Variants in PDE4C observed in about 807,000 individuals in gnomAD.
PDE4C encodes the protein 3',5'-cyclic-AMP phosphodiesterase 4C.
A neutral mutation model predicts 63.9 loss-of-function variants in PDE4C; 50 were observed. That is an observed-to-expected ratio of 0.78 (90% CI 0.62 to 0.99). PDE4C has a LOEUF of 0.99. PDE4C is among the 50% of genes least tolerant of loss of function. The pLI is 0.00. For missense variants in PDE4C, 777 were observed against 899.1 expected (o/e 0.86, Z 1.74); for synonymous variants, 377 against 385.1 (o/e 0.98, Z 0.25).
intron 14 of PDE4C, 158 bp downstream of exon 14, chr19:18,211,601 G>C: frequency 1.3e-6 from 1 of 775,732 alleles, no homozygotes; most frequent in South Asian, 1.7e-5. Flanking sequence ...CTGAAGCCCA[G>C]AGAGAATGGA....
intron 12 of PDE4C, 29 bp from the exon 13 acceptor site, chr19:18,213,519 C>T (rs2302209): frequency 0.27 from 427,798 of 1,599,444 alleles, 59,359 homozygotes; most frequent in Middle Eastern, 0.34. Flanking sequence ...AGGTGACAGG[C>T]GCGAGGACCC....
intron 1 of PDE4C, among the ~76,000 whole-genome samples, chr19:18,232,030 C>A (rs1256394316): frequency 1.3e-5 from 2 of 151,964 alleles, no homozygotes; most frequent in Non-Finnish European, 2.9e-5. Flanking sequence ...CTCCTCCCCC[C>A]AACACTGGAG....
intron 2 of PDE4C, among the ~76,000 whole-genome samples, chr19:18,221,771 C>T (rs757054452): frequency 3.3e-5 from 5 of 152,076 alleles, no homozygotes; most frequent in Non-Finnish European, 5.9e-5. Context: ...ACTACAGGCG[C>T]GCGCCACCAC....
chr19:18,210,752 A>G, exon 15 of PDE4C: 3 of 1,123,216 alleles, frequency 2.7e-6, no homozygotes, highest in Non-Finnish European at 3.6e-6. Flanking sequence ...AGTGGACCCC[A>G]GCCAGGTGCC....
exon 15 of PDE4C, chr19:18,210,736 G>T: frequency 1.1e-6 from 1 of 904,068 alleles, no homozygotes; most frequent in Non-Finnish European, 1.6e-6. Flanking sequence ...GCAAGTCTAG[G>T]GTCAGAGTGG....
intron 12 of PDE4C, among the ~76,000 whole-genome samples, chr19:18,215,523 AT>A (rs541345602): frequency 6.3e-4 from 93 of 148,272 alleles, no homozygotes; most frequent in African/African-American, 1.7e-3. Flanking sequence ...GATGTGTATA[AT>A]TTTTTTTTTT....
intron 11 of PDE4C, chr19:18,217,174 T>G: frequency 3.7e-6 from 1 of 271,758 alleles, no homozygotes; most frequent in Non-Finnish European, 6.9e-6. Flanking sequence ...TTTTTTTCTT[T>G]TTCTTTTTTA....
At chr19:18,212,258 A>G (rs1967984434) in intron 13 of PDE4C, among the ~76,000 whole-genome samples, 1 of 151,492 alleles carries the variant, frequency 6.6e-6, no homozygotes. Context: ...ATCTTGGCTC[A>G]CTGCAACCTC....
upstream of PDE4C, chr19:18,250,588 T>G (rs1038247515): frequency 2.5e-6 from 1 of 397,142 alleles, no homozygotes; most frequent in Non-Finnish European, 4.4e-6. Flanking sequence ...CTCTTCCCTC[T>G]CCAGTTGAGG....
intron 11 of PDE4C, 96 bp downstream of exon 11, chr19:18,218,053 G>A: frequency 1.1e-6 from 1 of 897,678 alleles, no homozygotes; most frequent in Non-Finnish European, 1.8e-6. Context: ...GGGAGACTGG[G>A]CTCAGGGCAG....
chr19:18,231,534 G>A (rs1454544400), intron 1 of PDE4C, among the ~76,000 whole-genome samples: 1 of 152,202 alleles, frequency 6.6e-6, no homozygotes, highest in African/African-American at 2.4e-5. Context: ...TGCCTCCCAG[G>A]CTGCTGGAGG....
upstream of PDE4C, among the ~76,000 whole-genome samples, chr19:18,228,602 T>G (rs147088943): frequency 7.5e-4 from 114 of 152,336 alleles, no homozygotes; most frequent in African/African-American, 2.6e-3. Context: ...ACATTAATAT[T>G]TTATCAATAG....
intron 1 of PDE4C, among the ~76,000 whole-genome samples, chr19:18,246,462 C>T (rs948285485): frequency 2.0e-5 from 3 of 151,908 alleles, no homozygotes; most frequent in East Asian, 1.9e-4. Flanking sequence ...AGATTACAGG[C>T]GTGAGCCACC....
chr19:18,225,995 G>A (rs953562708), intron 1 of PDE4C, among the ~76,000 whole-genome samples: 11 of 152,254 alleles, frequency 7.2e-5, no homozygotes, highest in East Asian at 1.9e-4. Flanking sequence ...CTCACAGCTG[G>A]AAGGAGACAG....
intron 1 of PDE4C, among the ~76,000 whole-genome samples, chr19:18,241,954 T>C (rs1337096992): frequency 2.6e-5 from 4 of 152,266 alleles, no homozygotes; most frequent in Admixed American, 2.6e-4. Context: ...AAAAAAATAA[T>C]TCACCTCGTG....
In PDE4C at chr19:18,232,374, C is replaced by CGTGT. The variant is rs4006742; in HGVS notation, c.242+572_242+575dup. On this transcript the variant is annotated intron_variant, in intron 1 of 14. Transcript: ENST00000594465. ...TGAGACTCTGTCTCAAAAATAAAAA[C>CGTGT]GTGTGTGTGTGTGTGTGTGTGTGTG... is the stretch of plus-strand genomic sequence containing the variant. Among the ~76,000 whole-genome samples, 420 of 149,922 alleles carry CGTGT rather than the reference C, an allele frequency of 2.8e-3. 1 individual carries two copies. Among genetic ancestry groups the CGTGT allele is most frequent in the Non-Finnish European group, 3.1e-3 (207 of 67,066 alleles).
exon 1 of PDE4C, chr19:18,226,390 G>C (rs1230657021): frequency 6.9e-7 from 1 of 1,457,360 alleles, no homozygotes. Context: ...CCCGGGGACC[G>C]GGGCGGGCGC....
Position 18,233,438 on chromosome 19 carries a change from G to C in PDE4C, c.-247C>G, listed in dbSNP as rs1170689243. ...ACAGGGGAGAAGAACGTGGTGAGGG[G>C]GTGTTGAAGCTAGGGGCTGAAGAGA... On this transcript the variant is annotated 5_prime_UTR_variant, in exon 1 of 15. Transcript: ENST00000594465. 4.3e-6 allele frequency: 3 copies of C among 691,240 alleles called. No individual in the cohort carries two copies. The East Asian group carries it at 8.2e-5, about 19-fold the overall frequency. 42.8% of individuals were successfully genotyped at this position (691,240 alleles called of 1,614,324 possible). A position where few individuals can be genotyped will look rare whatever the true frequency, so the allele number is the denominator to read the frequency against.
chr19:18,239,211 C>CA (rs1258414590), intron 1 of PDE4C, among the ~76,000 whole-genome samples: 5 of 152,054 alleles, frequency 3.3e-5, no homozygotes, highest in Admixed American at 6.6e-5. Context: ...AACTAGAGCC[C>CA]AAGGTTGCAA....
Sources: allele counts gnomAD v4.1 joint callset (sites outside exome capture counted in the v4.1 genomes callset), GRCh38; gene constraint gnomAD v4.1.1; transcripts MANE v1.5; gene names NCBI Gene and HGNC (gene_info 2026-07-23, HGNC 2026-07-21).